Variants in OCA2 observed in about 807,000 individuals in gnomAD.
OCA2 encodes the protein OCA2 melanosomal transmembrane protein, also known as P protein.
Under a neutral mutation model 100.2 loss-of-function variants are expected in OCA2, and 77 were observed. The ratio of observed to expected loss-of-function variants is 0.77; its 90% confidence interval spans 0.64 to 0.93. OCA2 has a LOEUF of 0.93. Ranked by LOEUF, OCA2 falls within the 40% of genes least tolerant of loss-of-function variation. The pLI is 0.00. For missense variants in OCA2, 1,062 were observed against 1,089.1 expected, an observed-to-expected ratio of 0.98 and a Z score of 0.35; for synonymous variants, 432 against 439.2, an observed-to-expected ratio of 0.98 and a Z score of 0.21.
At chr15:27,889,711 G>A (rs2037377609) in intron 19 of OCA2, among the ~76,000 whole-genome samples, 1 of 152,246 alleles carries the variant, frequency 6.6e-6, no homozygotes, top group East Asian at 1.9e-4. Flanking sequence ...CAGAGCCAGG[G>A]AATGGGCAGG....
chr15:27,831,942 G>C (rs991083078), intron 23 of OCA2, among the ~76,000 whole-genome samples: 1 of 152,104 alleles, frequency 6.6e-6, no homozygotes, highest in African/African-American at 2.4e-5. Flanking sequence ...CTGACGTCCA[G>C]TGCCCGCTCC....
At position 27,898,670 on chromosome 15, in the gene OCA2, A is replaced by C. The variant is rs773006069; in HGVS notation, c.2080-26748T>G. On this transcript the variant is annotated intron_variant, in intron 19 of 23. Coordinates refer to ENST00000354638, the MANE Select transcript of OCA2 (RefSeq NM_000275.3). ...TATGGATCATATGGTAGGTAAAATA[A>C]ATAAAAGTGTGCAAAAAATACTTGG... 9.9e-5 allele frequency among the ~76,000 whole-genome samples: 15 copies of C among 152,206 alleles called. 1 individual carries two copies. The highest frequency in any genetic ancestry group is 2.1e-4 in the Non-Finnish European group (14 of 68,038).
intron 19 of OCA2, among the ~76,000 whole-genome samples, chr15:27,900,298 A>G (rs1426930074): frequency 2.0e-5 from 3 of 152,232 alleles, no homozygotes; most frequent in South Asian, 2.1e-4. Flanking sequence ...TACTGCGCAC[A>G]TGCACCCAGA....
chr15:27,913,581 T>C (rs1567097027), intron 19 of OCA2, among the ~76,000 whole-genome samples: 1 of 151,808 alleles, frequency 6.6e-6, no homozygotes, highest in Non-Finnish European at 1.5e-5. Context: ...GAGGTTCCCC[T>C]TATGCTGCTA....
chr15:27,770,626 C>G (rs115254184), intron 23 of OCA2, among the ~76,000 whole-genome samples: 1 of 152,122 alleles, frequency 6.6e-6, no homozygotes, highest in Admixed American at 6.5e-5. Flanking sequence ...ACCCACTTCC[C>G]TCCTCAGAAC....
intron 21 of OCA2, among the ~76,000 whole-genome samples, chr15:27,862,849 T>C (rs2036187561): frequency 6.6e-6 from 1 of 152,250 alleles, no homozygotes. Flanking sequence ...ATAGTCTATA[T>C]CAACATTCTT....
At chr15:27,843,088 C>T (rs1291465303) in intron 23 of OCA2, among the ~76,000 whole-genome samples, 1 of 152,208 alleles carries the variant, frequency 6.6e-6, no homozygotes, top group African/African-American at 2.4e-5. Context: ...CCCATGCCTA[C>T]TTGTGAGACC....
At position 28,043,602 on chromosome 15, in the gene OCA2, A is replaced by G. The variant is rs7170869; in HGVS notation, c.228-11439T>C. Among the ~76,000 whole-genome samples, 58,914 of 152,072 alleles carry G rather than the reference A, an allele frequency of 0.39. 18,532 individuals are homozygous for G. Among genetic ancestry groups the G allele is most frequent in the East Asian group, 0.88 (4,549 of 5,176 alleles). On this transcript the variant is annotated intron_variant, in intron 2 of 23. Transcript: ENST00000354638. This position sits in a 1 kb window ranked among gnomAD's most constrained non-coding sequence, Gnocchi z 4.4. ...GACTCCTGTTTAGAGAACCACTGCC[A>G]TGTAATTAAGCAAGTTTTCAAATCT...
chr15:27,960,063 C>T (rs2040359395), intron 15 of OCA2, among the ~76,000 whole-genome samples: 1 of 152,190 alleles, frequency 6.6e-6, no homozygotes, highest in African/African-American at 2.4e-5. Context: ...AGGTCCAAGA[C>T]CATAGACCCA....
At chr15:27,723,601 A>G in the OCA2 span, among the ~76,000 whole-genome samples, 1 of 151,936 alleles carries the variant, frequency 6.6e-6, no homozygotes, top group Non-Finnish European at 1.5e-5. Flanking sequence ...ATGGGCACCC[A>G]GGGAGGAGCA....
chr15:27,968,655 C>T (rs770464484), intron 14 of OCA2, among the ~76,000 whole-genome samples: 1 of 152,186 alleles, frequency 6.6e-6, no homozygotes, highest in Non-Finnish European at 1.5e-5. Context: ...AAGTTTAGAG[C>T]TTGCCAATAT....
At chr15:27,925,570 T>C (rs1332356037) in intron 19 of OCA2, among the ~76,000 whole-genome samples, 1 of 152,178 alleles carries the variant, frequency 6.6e-6, no homozygotes, top group Non-Finnish European at 1.5e-5. Context: ...ATTGAAGAAA[T>C]GCAAAGAAGT....
chr15:27,744,406 C>A, the OCA2 span, among the ~76,000 whole-genome samples: 1 of 152,102 alleles, frequency 6.6e-6, no homozygotes, highest in Non-Finnish European at 1.5e-5. Flanking sequence ...GAACCGTGGG[C>A]ACGAGATGGA....
chr15:27,909,736 A>G (rs1277099491), intron 19 of OCA2, among the ~76,000 whole-genome samples: 1 of 152,186 alleles, frequency 6.6e-6, no homozygotes, highest in African/African-American at 2.4e-5. Context: ...ATTTCACACT[A>G]TATGCAAGAA....
chr15:27,769,953 C>T (rs769122823), intron 23 of OCA2, among the ~76,000 whole-genome samples: 3 of 152,214 alleles, frequency 2.0e-5, no homozygotes, highest in Non-Finnish European at 4.4e-5. Flanking sequence ...CATCCTCAGC[C>T]CCCATCTGAA....
chr15:27,726,125 T>C, the OCA2 span, among the ~76,000 whole-genome samples: 13,592 of 151,792 alleles, frequency 0.09, 2,094 homozygotes, highest in African/African-American at 0.31. Flanking sequence ...GGTGAAACCC[T>C]GTCTATACCA....
intron 19 of OCA2, among the ~76,000 whole-genome samples, chr15:27,913,867 G>A (rs1567097892): frequency 4.2e-5 from 2 of 47,374 alleles, no homozygotes; most frequent in Admixed American, 2.8e-4. Flanking sequence ...AAGAAAGAAA[G>A]AAAGAAAGAA....
At chr15:27,887,099 C>T (rs1451456857) in intron 19 of OCA2, among the ~76,000 whole-genome samples, 4 of 152,148 alleles carry the variant, frequency 2.6e-5, no homozygotes, top group Admixed American at 1.3e-4. Flanking sequence ...CTCTGCCTGC[C>T]GCCATCCATG....
At chr15:28,005,872 C>G (rs778279889) in intron 9 of OCA2, among the ~76,000 whole-genome samples, 9 of 152,280 alleles carry the variant, frequency 5.9e-5, no homozygotes, top group Non-Finnish European at 8.8e-5. Flanking sequence ...AACATAGAGC[C>G]AGACCCATGG....
Sources: allele counts gnomAD v4.1 joint callset (sites outside exome capture counted in the v4.1 genomes callset), GRCh38; gene constraint gnomAD v4.1.1; non-coding constraint Gnocchi (gnomAD v3.1); transcripts MANE v1.5; gene names NCBI Gene and HGNC (gene_info 2026-07-23, HGNC 2026-07-21).